Variants in NXPH2 observed in about 807,000 individuals in gnomAD.
The protein encoded by NXPH2 is neurexophilin-2.
Under a neutral mutation model 19.8 loss-of-function variants are expected in NXPH2, and 5 were observed. That is an observed-to-expected ratio of 0.25 (90% CI 0.13 to 0.53). The LOEUF (loss-of-function observed/expected upper bound fraction) is 0.53, where lower values mean the gene tolerates loss of function less well. Ranked by LOEUF, NXPH2 falls within the 20% of genes least tolerant of loss-of-function variation. NXPH2 has a pLI of 0.96. For synonymous variants in NXPH2, 154 were observed against 127.4 expected, an observed-to-expected ratio of 1.21 and a Z score of -1.41; for missense variants, 289 against 322.8, an observed-to-expected ratio of 0.90 and a Z score of 0.80.
intron 1 of NXPH2, among the ~76,000 whole-genome samples, chr2:138,704,461 G>T (rs1680979031): frequency 6.6e-6 from 1 of 152,190 alleles, no homozygotes; most frequent in Non-Finnish European, 1.5e-5. Flanking sequence ...ATTTGATTGT[G>T]CATGTTATAA....
At chr2:138,755,941 A>T (rs79194596) in intron 1 of NXPH2, among the ~76,000 whole-genome samples, 1,914 of 152,002 alleles carry the variant, frequency 0.013, 22 homozygotes, top group Middle Eastern at 0.041. Flanking sequence ...GCCATTGTAA[A>T]ACTGGATGTT....
At position 138,778,907 on chromosome 2, in the gene NXPH2, T is replaced by G. The variant is rs79945051; in HGVS notation, c.51+1284A>C. Among the ~76,000 whole-genome samples the G allele has an allele frequency of 2.0e-4, 30 of 152,336 alleles. No homozygotes were observed. The East Asian group carries it at 5.6e-3, about 28-fold the overall frequency. On this transcript the variant is annotated intron_variant, in intron 1 of 1. Coordinates refer to ENST00000272641, the MANE Select transcript of NXPH2 (RefSeq NM_007226.3). Reference sequence around the variant, plus strand: ...CTTCTTGATGCCATTGAAGAGTTTCTGAGTTAACGCTGTGCAGGTGAAGCT... The same window carrying G: ...CTTCTTGATGCCATTGAAGAGTTTCGGAGTTAACGCTGTGCAGGTGAAGCT...
At chr2:138,770,333 A>G (rs1682158095) in intron 1 of NXPH2, among the ~76,000 whole-genome samples, 1 of 152,180 alleles carries the variant, frequency 6.6e-6, no homozygotes, top group Non-Finnish European at 1.5e-5. Context: ...GTATCTAAAT[A>G]AAATGCTAAA....
At chr2:138,779,707 C>T (rs540711627) in intron 1 of NXPH2, among the ~76,000 whole-genome samples, 1 of 152,286 alleles carries the variant, frequency 6.6e-6, no homozygotes, top group African/African-American at 2.4e-5. Context: ...CAAGGCGCCA[C>T]TACCTGGCTC....
chr2:138,705,824 C>T (rs1283118261), intron 1 of NXPH2, among the ~76,000 whole-genome samples: 2 of 152,276 alleles, frequency 1.3e-5, no homozygotes, highest in African/African-American at 4.8e-5. Context: ...ATTCATATAG[C>T]TGAGGATGTT....
At position 138,671,512 on chromosome 2, in the gene NXPH2, C is replaced by A. The variant is rs1284720779; in HGVS notation, c.205G>T (p.Gly69Cys). 4.3e-6 allele frequency: 7 copies of A among 1,613,860 alleles called. No homozygotes were observed. Among genetic ancestry groups the A allele is most frequent in the Non-Finnish European group, 5.1e-6 (6 of 1,179,876 alleles). Residue 69 changes from glycine (G) to cysteine (C), a missense_variant, in exon 2 of 2, where the codon GGC becomes TGC. Physicochemically the swap from Gly to Cys is radical, Grantham distance 159. Coordinates refer to ENST00000272641, the MANE Select transcript of NXPH2 (RefSeq NM_007226.3). ...FVKQSPVPKP[G>C]PMAYADSMEN... ...ATGCTGTCTGCGTACGCCATGGGGC[C>A]GGGCTTGGGCACCGGAGACTGTTTA... is the stretch of plus-strand genomic sequence containing the variant.
At chr2:138,672,695 A>T (rs1037444177) in intron 1 of NXPH2, among the ~76,000 whole-genome samples, 2 of 152,194 alleles carry the variant, frequency 1.3e-5, no homozygotes, top group Non-Finnish European at 2.9e-5. Context: ...GATTCTACAG[A>T]AAACTGTCAG....
At chr2:138,742,142 G>A (rs927675360) in intron 1 of NXPH2, among the ~76,000 whole-genome samples, 1 of 152,154 alleles carries the variant, frequency 6.6e-6, no homozygotes, top group Non-Finnish European at 1.5e-5. Flanking sequence ...CTTGGGCTCA[G>A]ATACAGATTG....
chr2:138,690,737 T>C (rs1680734276), intron 1 of NXPH2, among the ~76,000 whole-genome samples: 1 of 152,252 alleles, frequency 6.6e-6, no homozygotes, highest in African/African-American at 2.4e-5. Context: ...CACCCCCATA[T>C]TTCAGGCACT....
intron 1 of NXPH2, among the ~76,000 whole-genome samples, chr2:138,729,508 G>C (rs527410148): frequency 1.3e-5 from 2 of 152,286 alleles, no homozygotes; most frequent in Admixed American, 6.5e-5. Flanking sequence ...AGCAGTGTAA[G>C]AGTGGACTAA....
chr2:138,693,764 A>C (rs1279315634), intron 1 of NXPH2, among the ~76,000 whole-genome samples: 1 of 152,172 alleles, frequency 6.6e-6, no homozygotes, highest in African/African-American at 2.4e-5. Flanking sequence ...TGAGAGTTCT[A>C]ACCATGAGGA....
At chr2:138,701,411 T>C (rs1047637971) in intron 1 of NXPH2, among the ~76,000 whole-genome samples, 2 of 151,616 alleles carry the variant, frequency 1.3e-5, no homozygotes, top group African/African-American at 2.4e-5. Context: ...CAAAGATGGA[T>C]AGGAAGGAAG....
chr2:138,699,668 AGAAG>A (rs1335711946), intron 1 of NXPH2, among the ~76,000 whole-genome samples: 2 of 152,214 alleles, frequency 1.3e-5, no homozygotes, highest in Non-Finnish European at 2.9e-5. Flanking sequence ...CAGGCTTCTG[AGAAG>A]GATGAATGCT....
rs182653918 is a variant in NXPH2, at chr2:138,746,383, C to A, written c.51+33808G>T. On this transcript the variant is annotated intron_variant, in intron 1 of 1. Coordinates refer to ENST00000272641, the MANE Select transcript of NXPH2 (RefSeq NM_007226.3). ...TGCCTCCAGGCACCTGGGGACATGACTGAAACTAAGAACCTCCCTTGGGGA... is the reference window on the plus strand; with the variant it reads ...TGCCTCCAGGCACCTGGGGACATGAATGAAACTAAGAACCTCCCTTGGGGA... Among the ~76,000 whole-genome samples, 7 of 152,280 alleles carry A rather than the reference C, an allele frequency of 4.6e-5. No individual in the cohort carries two copies. In the East Asian group the frequency reaches 1.4e-3, roughly 29 times the overall value.
chr2:138,704,396 T>C (rs1680978169), intron 1 of NXPH2, among the ~76,000 whole-genome samples: 2 of 152,222 alleles, frequency 1.3e-5, no homozygotes, highest in African/African-American at 4.8e-5. Flanking sequence ...CTAAGATAGA[T>C]ACTTCTGTGT....
intron 1 of NXPH2, among the ~76,000 whole-genome samples, chr2:138,702,935 C>T (rs1680952519): frequency 6.6e-6 from 1 of 151,764 alleles, no homozygotes; most frequent in Non-Finnish European, 1.5e-5. Flanking sequence ...CAAATGAATG[C>T]TAAATCAAAC....
chr2:138,739,151 T>G (rs1408877050), intron 1 of NXPH2, among the ~76,000 whole-genome samples: 1 of 152,108 alleles, frequency 6.6e-6, no homozygotes, highest in Non-Finnish European at 1.5e-5. Flanking sequence ...ATTGCATCAA[T>G]AATAAAAAAA....
At chr2:138,711,951 C>T (rs1681112970) in intron 1 of NXPH2, among the ~76,000 whole-genome samples, 1 of 152,184 alleles carries the variant, frequency 6.6e-6, no homozygotes. Context: ...TAAAGAGCAA[C>T]CAGTTAGCTT....
intron 1 of NXPH2, among the ~76,000 whole-genome samples, chr2:138,674,516 C>G (rs955875252): frequency 2.0e-5 from 3 of 152,146 alleles, no homozygotes; most frequent in Admixed American, 1.3e-4. Flanking sequence ...GAACTCCAGC[C>G]TCAAGTGATC....
Sources: allele counts gnomAD v4.1 joint callset (sites outside exome capture counted in the v4.1 genomes callset), GRCh38; gene constraint gnomAD v4.1.1; transcripts MANE v1.5; gene names NCBI Gene and HGNC (gene_info 2026-07-23, HGNC 2026-07-21).